The following GJA9 variants were observed in gnomAD, a reference collection of about 807,000 sequenced individuals.
The protein encoded by GJA9 is gap junction protein alpha 9.
GJA9 carries 1 observed loss-of-function variant against 0.4 expected under a neutral mutation model. That is an observed-to-expected ratio of 2.50 (90% CI 0.89 to 11.88). GJA9 has a LOEUF of 11.88. Ranked by LOEUF, GJA9 falls within the 30% of genes most tolerant of loss-of-function variation. GJA9 has a pLI of 0.12. For missense variants in GJA9, 550 were observed against 602.8 expected, an observed-to-expected ratio of 0.91 and a Z score of 0.92; for synonymous variants, 190 against 219.1, an observed-to-expected ratio of 0.87 and a Z score of 1.17.
rs375613201 is a variant in GJA9, at chr1:38,876,046, G to A, written c.53C>T (p.Ser18Phe). 5 of 1,614,058 alleles carry A rather than the reference G, an allele frequency of 3.1e-6. No homozygotes were observed. In the African/African-American group the frequency reaches 6.7e-5, roughly 22 times the overall value. Residue 18 changes from serine to phenylalanine, a missense_variant, in exon 2 of 2, where the codon TCC becomes TTC. Transcript: ENST00000357771. ...GAGCCAGATCTTTCCAATCATGGTGGAGTGGATGTGAACTTCCTCCAGAGT... is the reference window on the plus strand; with the variant it reads ...GAGCCAGATCTTTCCAATCATGGTGAAGTGGATGTGAACTTCCTCCAGAGT... ...GDTLEEVHIH[S>F]TMIGKIWLTI...
At position 38,880,413 on chromosome 1, in the gene GJA9, A is replaced by AAAAAAAAT. The variant is rs1408571116; in HGVS notation, c.-96+1018_-96+1019insATTTTTTT. On this transcript the variant is annotated intron_variant, in intron 1 of 1. Transcript: ENST00000357771. Reference sequence around the variant, plus strand: ...GCAAGACTCTGTCTCAAAAAAAAATAAATAATAATAATAATAATAATAATA... The same window carrying AAAAAAAAT: ...GCAAGACTCTGTCTCAAAAAAAAATAAAAAAAATAATAATAATAATAATAATAATAATA... Among the ~76,000 whole-genome samples, 76 of 119,782 alleles carry AAAAAAAAT rather than the reference A, an allele frequency of 6.3e-4. 2 individuals carry two copies. The highest frequency in any genetic ancestry group is 1.1e-3 in the Non-Finnish European group (64 of 55,774). The allele number at this position is 119,782 out of a possible 152,430, so 78.6% of individuals were successfully genotyped here. A position where few individuals can be genotyped will look rare whatever the true frequency, so the allele number is the denominator to read the frequency against.
chr1:38,874,781 T>C lies in GJA9; in HGVS notation c.1318A>G (p.Lys440Glu), dbSNP rs1375711576. The change falls in exon 2 of 2, where the codon AAA becomes GAA. Residue 440 changes from lysine (K) to glutamate (E), a missense_variant. Transcript: ENST00000357771. ...TEHENRGSPP[K>E]GNLKGQFRKG... Reference sequence around the variant, plus strand: ...CTGAACTGGCCCTTGAGGTTACCTTTAGGAGGTGACCCCCGGTTTTCATGT... The same window carrying C: ...CTGAACTGGCCCTTGAGGTTACCTTCAGGAGGTGACCCCCGGTTTTCATGT... 1 of 1,613,964 alleles carries C rather than the reference T, an allele frequency of 6.2e-7. No homozygotes were observed. Among genetic ancestry groups the C allele is most frequent in the African/African-American group, 1.3e-5 (1 of 74,886 alleles).
intron 1 of GJA9, among the ~76,000 whole-genome samples, chr1:38,876,562 G>A (rs886823861): frequency 6.6e-6 from 1 of 152,096 alleles, no homozygotes; most frequent in African/African-American, 2.4e-5. Flanking sequence ...ACAGGTGTGG[G>A]TCACCACACC....
In GJA9 at chr1:38,875,834, A is replaced by T. The variant is rs1642576667; in HGVS notation, c.265T>A (p.Ser89Thr). The T allele has an allele frequency of 6.2e-7, 1 of 1,614,242 alleles. No individual in the cohort carries two copies. Among genetic ancestry groups the T allele is most frequent in the South Asian group, 1.1e-5 (1 of 91,088 alleles). ...VLQVIFVSSP[S>T]LVYMGHALYR... ...AATGCATGGCCCATGTAGACCAGGG[A>T]TGGTGAAGACACAAATATCACCTGC... Residue 89 changes from serine (S) to threonine (T), a missense_variant, in exon 2 of 2, where the codon TCC (serine) becomes ACC (threonine). Coordinates refer to ENST00000357771, the MANE Select transcript of GJA9 (RefSeq NM_030772.5).
At position 38,874,857 on chromosome 1, in the gene GJA9, G is replaced by A. The variant is rs1642552245; in HGVS notation, c.1242C>T (p.Asn414=). Residue 414 remains asparagine, a synonymous_variant, in exon 2 of 2, where the codon AAC becomes AAT. Coordinates refer to ENST00000357771, the MANE Select transcript of GJA9 (RefSeq NM_030772.5). Reference sequence around the variant, plus strand: ...TAAGCCACCGCGGTTTCCAATCGCAGTTAGCTGGCAAGGAGAAAACTGTTT... The same window carrying A: ...TAAGCCACCGCGGTTTCCAATCGCAATTAGCTGGCAAGGAGAAAACTGTTT... ...SPQTVFSLPA[N]CDWKPRWLRA... is the part of the protein sequence containing the mutation. The A allele has an allele frequency of 6.2e-7, 1 of 1,614,218 alleles. No individual in the cohort carries two copies.
intron 1 of GJA9, among the ~76,000 whole-genome samples, chr1:38,880,616 T>A (rs1642680825): frequency 6.6e-6 from 1 of 151,146 alleles, no homozygotes; most frequent in African/African-American, 2.4e-5. Context: ...ACCCCATCTC[T>A]ACTAAAAATA....
chr1:38,879,365 AACT>A (rs1196034206), intron 1 of GJA9, among the ~76,000 whole-genome samples: 1 of 152,156 alleles, frequency 6.6e-6, no homozygotes, highest in Non-Finnish European at 1.5e-5. Flanking sequence ...CAATCAAACA[AACT>A]ACTAAGATAC....
chr1:38,880,402 C>CAAAAAAAAAAAAAAAAAA (rs1267872139), intron 1 of GJA9, among the ~76,000 whole-genome samples: 1 of 79,864 alleles, frequency 1.3e-5, no homozygotes, highest in Admixed American at 1.5e-4. Flanking sequence ...GACTCTGTCT[C>CAAAAAAAAAAAAAAAAAA]AAAAAAAAAT....
chr1:38,880,218 C>T (rs1642666294), intron 1 of GJA9, among the ~76,000 whole-genome samples: 1 of 148,470 alleles, frequency 6.7e-6, no homozygotes, highest in African/African-American at 2.5e-5. Flanking sequence ...GCCTGGCCAA[C>T]ATGGTTGAAA....
rs747249630 is a variant in GJA9, at chr1:38,875,608, C to A, written c.491G>T (p.Arg164Leu). The A allele has an allele frequency of 2.5e-5, 41 of 1,614,148 alleles. No individual in the cohort carries two copies. The highest frequency in any genetic ancestry group is 3.4e-5 in the Non-Finnish European group (40 of 1,180,024). The change falls in exon 2 of 2, where the codon CGC becomes CTC. Residue 164 changes from arginine (R) to leucine (L), a missense_variant. Physicochemically the swap from Arg to Leu is moderately radical, Grantham distance 102. Coordinates refer to ENST00000357771, the MANE Select transcript of GJA9 (RefSeq NM_030772.5). ...LCTYVIHIFT[R>L]SVVEVGFMIG... Reference sequence around the variant, plus strand: ...CATGAATCCAACTTCAACCACAGAGCGAGTGAAAATGTGTATCACATAAGT... The same window carrying A: ...CATGAATCCAACTTCAACCACAGAGAGAGTGAAAATGTGTATCACATAAGT...
At chr1:38,878,163 C>T (rs962436520) in intron 1 of GJA9, among the ~76,000 whole-genome samples, 4 of 151,888 alleles carry the variant, frequency 2.6e-5, no homozygotes, top group Admixed American at 6.6e-5. Flanking sequence ...ACTGCAACCT[C>T]CACTTCCCAG....
Position 38,875,078 on chromosome 1 carries a change from T to C in GJA9, c.1021A>G (p.Ser341Gly). The change falls in exon 2 of 2, where the codon AGT becomes GGT. Residue 341 changes from serine to glycine, a missense_variant. Coordinates refer to ENST00000357771, the MANE Select transcript of GJA9 (RefSeq NM_030772.5). The stretch of plus-strand genomic sequence containing the variant: ...TTTGAACTGATGTGTTGAAAATGAC[T>C]ACAACTAGTACTAAGTGTGGAAATC... ...NEISTLSTSC[S>G]HFQHISSNNN... 1 of 1,614,156 alleles carries C rather than the reference T, an allele frequency of 6.2e-7. No homozygotes were observed. Among genetic ancestry groups the C allele is most frequent in the Non-Finnish European group, 8.5e-7 (1 of 1,179,982 alleles).
rs1317834918 is a variant in GJA9 at position 38,874,077 on chromosome 1, A to C, written c.*474T>G. ...TGAAGGAAAGCCACGGATCTTCTTA[A>C]GATTTTATTTACTAGGTAGCAACAT... On this transcript the variant is annotated 3_prime_UTR_variant, in exon 2 of 2. Coordinates refer to ENST00000357771, the MANE Select transcript of GJA9 (RefSeq NM_030772.5). 1 of 360,814 alleles carries C rather than the reference A, an allele frequency of 2.8e-6. No homozygotes were observed. Among genetic ancestry groups the C allele is most frequent in the African/African-American group, 2.1e-5 (1 of 46,758 alleles). 22.4% of individuals were successfully genotyped at this position (360,814 alleles called of 1,614,324 possible). A position where few individuals can be genotyped will look rare whatever the true frequency, so the allele number is the denominator to read the frequency against.
In GJA9 at chr1:38,874,079, A is replaced by T. The variant is rs1213253172; in HGVS notation, c.*472T>A. 1.7e-5 allele frequency: 6 copies of T among 360,522 alleles called. No individual in the cohort carries two copies. Among genetic ancestry groups the T allele is most frequent in the Non-Finnish European group, 3.3e-5 (6 of 184,576 alleles). The allele number at this position is 360,522 out of a possible 1,614,324, so 22.3% of individuals were successfully genotyped here. The stretch of plus-strand genomic sequence containing the variant: ...AAGGAAAGCCACGGATCTTCTTAAG[A>T]TTTTATTTACTAGGTAGCAACATGT... On this transcript the variant is annotated 3_prime_UTR_variant, in exon 2 of 2. Coordinates refer to ENST00000357771, the MANE Select transcript of GJA9 (RefSeq NM_030772.5).
In GJA9 at chr1:38,876,147, A is replaced by G; in HGVS notation, c.-49T>C. ...CTCTGATCCACATCAAATAAGAGGC[A>G]GATAAATTCTTCCATTCTGAAGGGA... On this transcript the variant is annotated 5_prime_UTR_variant, in exon 2 of 2. Transcript: ENST00000357771. The G allele has an allele frequency of 6.9e-7, 1 of 1,445,968 alleles. No homozygotes were observed. Among genetic ancestry groups the G allele is most frequent in the Middle Eastern group, 1.8e-4 (1 of 5,552 alleles). 89.6% of individuals were successfully genotyped at this position (1,445,968 alleles called of 1,614,324 possible). A position where few individuals can be genotyped will look rare whatever the true frequency, so the allele number is the denominator to read the frequency against.
At position 38,875,132 on chromosome 1, in the gene GJA9, C is replaced by T. The variant is rs756898567; in HGVS notation, c.967G>A (p.Asp323Asn). The change falls in exon 2 of 2, where the codon GAT (aspartate) becomes AAT (asparagine). Residue 323 changes from aspartate (D) to asparagine (N), a missense_variant. By Grantham distance (23) the Asp-to-Asn change is conservative. Transcript: ENST00000357771. ...HSVNDEKCILDEQETVLSNEI... is the reference protein window; with the variant it reads ...HSVNDEKCILNEQETVLSNEI... The stretch of plus-strand genomic sequence containing the variant: ...TTAGAAAGTACAGTTTCCTGTTCAT[C>T]CAAAATGCATTTCTCATCATTTACA... The T allele has an allele frequency of 1.2e-6, 2 of 1,613,998 alleles. No homozygotes were observed. The highest frequency in any genetic ancestry group is 1.7e-6 in the Non-Finnish European group (2 of 1,180,012).
At chr1:38,878,136 T>C (rs576352827) in intron 1 of GJA9, among the ~76,000 whole-genome samples, 1 of 152,020 alleles carries the variant, frequency 6.6e-6, no homozygotes, top group African/African-American at 2.4e-5. Context: ...TAGAGTGCAG[T>C]GGCAGGATCT....
rs924788115 is a variant in GJA9, at chr1:38,874,350, T to G, written c.*201A>C. ...CATTTAAAAAAAAAAAAATCCTGATTTGACAACTCTATGTCTTTGAATTTA... is the reference window on the plus strand; with the variant it reads ...CATTTAAAAAAAAAAAAATCCTGATGTGACAACTCTATGTCTTTGAATTTA... On this transcript the variant is annotated 3_prime_UTR_variant, in exon 2 of 2. Coordinates refer to ENST00000357771, the MANE Select transcript of GJA9 (RefSeq NM_030772.5). 1.5e-5 allele frequency: 8 copies of G among 519,380 alleles called. No homozygotes were observed. Among genetic ancestry groups the G allele is most frequent in the Non-Finnish European group, 2.4e-5 (7 of 296,870 alleles). The allele number at this position is 519,380 out of a possible 1,614,324, so 32.2% of individuals were successfully genotyped here.
chr1:38,875,159 T>C lies in GJA9; in HGVS notation c.940A>G (p.Ser314Gly), dbSNP rs768359175. 6.2e-7 allele frequency: 1 copy of C among 1,614,098 alleles called. No homozygotes were observed. The highest frequency in any genetic ancestry group is 1.3e-5 in the African/African-American group (1 of 75,050). The change falls in exon 2 of 2, where the codon AGT (serine) becomes GGT (glycine). Residue 314 changes from serine (S) to glycine (G), a missense_variant. Coordinates refer to ENST00000357771, the MANE Select transcript of GJA9 (RefSeq NM_030772.5). ...SVFQPNPDNH[S>G]VNDEKCILDE... ...AAAATGCATTTCTCATCATTTACAC[T>C]ATGATTGTCAGGATTTGGCTGGAAT... is the stretch of plus-strand genomic sequence containing the variant.
Sources: gnomAD v4.1 joint callset for allele counts (sites outside exome capture counted in the v4.1 genomes callset) on GRCh38, gnomAD v4.1.1 for gene constraint, MANE v1.5 for transcripts, NCBI Gene and HGNC (gene_info 2026-07-23, HGNC 2026-07-21) for gene names.